Variants in SNRPN observed in about 807,000 individuals in gnomAD.
SNRPN encodes small nuclear ribonucleoprotein-associated protein N.
Under a neutral mutation model 25.2 loss-of-function variants are expected in SNRPN, and 7 were observed. The observed-to-expected ratio is 0.28, with a 90% CI of 0.16 to 0.52. The LOEUF is 0.52. SNRPN is among the 20% of genes least tolerant of loss of function. The pLI, the probability that SNRPN is intolerant of heterozygous loss-of-function variation, is 0.96. For synonymous variants in SNRPN, 124 were observed against 110.6 expected, an observed-to-expected ratio of 1.12 and a Z score of -0.76; for missense variants, 196 against 322.5, an observed-to-expected ratio of 0.61 and a Z score of 3.00.
intron 2 of SNRPN, chr15:24,966,995 G>A (rs1297343513): frequency 6.6e-6 from 1 of 152,084 alleles, no homozygotes; most frequent in Non-Finnish European, 1.5e-5. Flanking sequence ...TATTTTAAGA[G>A]CCCTTAAATA....
chr15:24,843,788 AACACAC>A lies in SNRPN; in HGVS notation c.-579+13907_-579+13912del, dbSNP rs56693061. ...GATGACAGAGTGAGACTCCATCACA[AACACAC>A]ACACACACACACACACACACACAGA... On this transcript the variant is annotated intron_variant, in intron 2 of 12. Transcript: ENST00000400100. Among the ~76,000 whole-genome samples, 9 of 139,906 alleles carry A rather than the reference AACACAC, an allele frequency of 6.4e-5. No homozygotes were observed. The East Asian group carries it at 6.5e-4, about 10-fold the overall frequency. The allele number at this position is 139,906 out of a possible 152,430, so 91.8% of individuals were successfully genotyped here. A position where few individuals can be genotyped will look rare whatever the true frequency, so the allele number is the denominator to read the frequency against.
chr15:24,882,723 G>A (rs1169415845), intron 1 of SNRPN, among the ~76,000 whole-genome samples: 1 of 151,674 alleles, frequency 6.6e-6, no homozygotes, highest in African/African-American at 2.4e-5. Flanking sequence ...TACTCAGGAG[G>A]CTGAGGAGAA....
At chr15:24,942,451 G>C (rs1246795601) in intron 3 of SNRPN, 2 of 152,186 alleles carry the variant, frequency 1.3e-5, no homozygotes, top group African/African-American at 4.8e-5. Context: ...CCTTAGGATG[G>C]CGGGGAACAT....
At chr15:24,977,631 T>G in intron 7 of SNRPN, 147 bp from the exon 8 acceptor site, 2 of 781,350 alleles carry the variant, frequency 2.6e-6, no homozygotes, top group South Asian at 4.7e-5. Context: ...AGAGTGAAAC[T>G]GTCTCAAAAA....
At chr15:24,974,810 C>T (rs971757816) in intron 4 of SNRPN, 12 of 651,188 alleles carry the variant, frequency 1.8e-5, no homozygotes, top group Admixed American at 4.6e-5. Flanking sequence ...CCACCCACCT[C>T]GGCCTCCCAA....
intron 3 of SNRPN, among the ~76,000 whole-genome samples, chr15:24,971,151 AG>A (rs1481140484): frequency 1.3e-5 from 2 of 152,172 alleles, no homozygotes; most frequent in African/African-American, 4.8e-5. Flanking sequence ...ATCATTTGAA[AG>A]TCTACAGTTT....
intron 1 of SNRPN, among the ~76,000 whole-genome samples, chr15:24,874,276 C>G (rs1306315407): frequency 7.1e-6 from 1 of 140,158 alleles, no homozygotes; most frequent in East Asian, 2.2e-4. Flanking sequence ...CACCACTGCA[C>G]TCCAGCCTGG....
chr15:24,870,410 T>C (rs1236282954), intron 1 of SNRPN, among the ~76,000 whole-genome samples: 2 of 152,302 alleles, frequency 1.3e-5, no homozygotes, highest in East Asian at 3.9e-4. Flanking sequence ...ATAACCTGAT[T>C]AACTTAAACA....
intron 6 of SNRPN, among the ~76,000 whole-genome samples, 159 bp from the exon 7 acceptor site, chr15:24,976,718 A>T (rs1001422157): frequency 9.2e-5 from 14 of 152,248 alleles, no homozygotes; most frequent in Admixed American, 9.2e-4. Flanking sequence ...TATACACAAG[A>T]TACCTCCATG....
chr15:24,962,306 T>G, intron 2 of SNRPN, 97 bp downstream of exon 2: 1 of 969,268 alleles, frequency 1.0e-6, no homozygotes, highest in Non-Finnish European at 1.6e-6. Flanking sequence ...TGAACATAAT[T>G]GAAGAAGCAG....
At chr15:24,825,260 A>G (rs759353811) in intron 1 of SNRPN, among the ~76,000 whole-genome samples, 17 of 150,536 alleles carry the variant, frequency 1.1e-4, no homozygotes, top group Admixed American at 2.7e-4. Context: ...TTGTATTATG[A>G]CCTCGCGCCA....
intron 2 of SNRPN, among the ~76,000 whole-genome samples, chr15:24,963,303 G>GA (rs1265080008): frequency 6.6e-6 from 1 of 152,180 alleles, no homozygotes; most frequent in African/African-American, 2.4e-5. Flanking sequence ...TATTAACAAT[G>GA]AAAAGAACAG....
At chr15:24,911,548 G>A (rs756226692) in intron 2 of SNRPN, among the ~76,000 whole-genome samples, 3 of 152,180 alleles carry the variant, frequency 2.0e-5, no homozygotes, top group African/African-American at 4.8e-5. Flanking sequence ...CCCATCTGTG[G>A]TTCAGGTGGG....
intron 3 of SNRPN, chr15:24,921,329 G>C (rs2060009742): frequency 6.6e-6 from 1 of 152,134 alleles, no homozygotes; most frequent in Non-Finnish European, 1.5e-5. Flanking sequence ...GGCCTGAAAA[G>C]CCCAGTTTTT....
chr15:24,962,265 A>T, intron 2 of SNRPN, 56 bp downstream of exon 2: 2 of 1,402,260 alleles, frequency 1.4e-6, no homozygotes, highest in Non-Finnish European at 2.0e-6. Context: ...TTCAGATTAG[A>T]ACAAAATATC....
rs144418456 is a variant in SNRPN at position 24,860,860 on chromosome 15, A to G, written c.-579+4144A>G. Among the ~76,000 whole-genome samples, 723 of 152,308 alleles carry G rather than the reference A, an allele frequency of 4.7e-3. 5 individuals carry two copies. Among genetic ancestry groups the G allele is most frequent in the African/African-American group, 0.017 (690 of 41,564 alleles). On this transcript the variant is annotated intron_variant, in intron 1 of 11. Transcript: ENST00000400097. Reference sequence around the variant, plus strand: ...AGCCCATATATTATAAAATGTAATAAGTTTACCAGCCACAAATAACAACAA... The same window carrying G: ...AGCCCATATATTATAAAATGTAATAGGTTTACCAGCCACAAATAACAACAA...
rs1429199730 is a variant in SNRPN at position 24,837,606 on chromosome 15, T to C, written c.-579+7701T>C. Among the ~76,000 whole-genome samples the C allele has an allele frequency of 2.6e-5, 4 of 151,956 alleles. No homozygotes were observed. The East Asian group carries it at 7.7e-4, about 29-fold the overall frequency. On this transcript the variant is annotated intron_variant, in intron 2 of 12. Transcript: ENST00000400100. ...GGATGGTCTCGATCTCCTGACTTCG[T>C]GATCCACCCGCCTCGGCCACCCAAA...
intron 1 of SNRPN, among the ~76,000 whole-genome samples, chr15:24,828,750 G>A (rs890653795): frequency 2.2e-4 from 34 of 152,098 alleles, no homozygotes; most frequent in African/African-American, 7.2e-4. Context: ...CTAAATAAGT[G>A]TTTGAAAATA....
At chr15:24,907,088 C>G (rs898835403) in intron 2 of SNRPN, among the ~76,000 whole-genome samples, 5 of 151,986 alleles carry the variant, frequency 3.3e-5, no homozygotes, top group Admixed American at 2.0e-4. Context: ...ATATCGTAAG[C>G]AGGGATTTGA....
Sources: gnomAD v4.1 joint callset for allele counts (sites outside exome capture counted in the v4.1 genomes callset) on GRCh38, gnomAD v4.1.1 for gene constraint, MANE v1.5 for transcripts, NCBI Gene and HGNC (gene_info 2026-07-23, HGNC 2026-07-21) for gene names.